CATSPERG: variants seen among roughly 807,000 people sequenced by gnomAD.
CATSPERG encodes cation channel sperm-associated auxiliary subunit gamma.
A neutral mutation model predicts 145.0 loss-of-function variants in CATSPERG; 115 were observed. The ratio of observed to expected loss-of-function variants is 0.79; its 90% CI spans 0.68 to 0.93. The LOEUF is 0.93. Ranked by LOEUF, CATSPERG falls within the 40% of genes least tolerant of loss-of-function variation. CATSPERG has a pLI of 0.00. For missense variants in CATSPERG, 1,296 were observed against 1,490.1 expected, an observed-to-expected ratio of 0.87 and a Z score of 2.14; for synonymous variants, 588 against 589.0, an observed-to-expected ratio of 1.00 and a Z score of 0.02.
At chr19:38,361,575 A>G in intron 16 of CATSPERG, 73 bp from the exon 17 acceptor site, 2 of 1,237,264 alleles carry the variant, frequency 1.6e-6, no homozygotes, top group Non-Finnish European at 2.3e-6. Flanking sequence ...TGGGGTGGGA[A>G]AGAGGCCTGC....
intron 20 of CATSPERG, among the ~76,000 whole-genome samples, chr19:38,363,437 G>A (rs1970388088): frequency 6.6e-6 from 1 of 151,562 alleles, no homozygotes; most frequent in African/African-American, 2.4e-5. Flanking sequence ...TCGGCGTGAG[G>A]TGTGAGGTGT....
At chr19:38,356,294 C>A (rs368895027) in intron 9 of CATSPERG, among the ~76,000 whole-genome samples, 190 bp from the exon 10 acceptor site, 2 of 152,106 alleles carry the variant, frequency 1.3e-5, no homozygotes, top group African/African-American at 4.8e-5. Flanking sequence ...AGGCATGAGA[C>A]CCACAGTCTC....
At chr19:38,356,657 G>T in intron 10 of CATSPERG, 85 bp from the exon 11 acceptor site, 1 of 1,593,876 alleles carries the variant, frequency 6.3e-7, no homozygotes, top group Non-Finnish European at 8.6e-7. Flanking sequence ...TTAGGGAGGG[G>T]TGAGTTATGG....
chr19:38,369,823 ATGAATGAG>A, intron 26 of CATSPERG, 141 bp from the exon 27 acceptor site: 1 of 762,718 alleles, frequency 1.3e-6, no homozygotes. Context: ...GTCAGCATGA[ATGAATGAG>A]TGAATGAAGG....
At position 38,356,824 on chromosome 19, in the gene CATSPERG, T is replaced by G; in HGVS notation, c.1278T>G (p.Asn426Lys). The G allele has an allele frequency of 6.2e-7, 1 of 1,614,118 alleles. No homozygotes were observed. The highest frequency in any genetic ancestry group is 8.5e-7 in the Non-Finnish European group (1 of 1,180,012). ...LLLLVESGYG[N>K]ASKRFQVVSY... ...TGCTGGTGGAGAGTGGATATGGTAA[T>G]GCAAGTAAACGTTTCCAGGTGGTCA... Residue 426 changes from asparagine (N) to lysine (K), a missense_variant, in exon 11 of 29, where the codon AAT (asparagine) becomes AAG (lysine). Asn to Lys is a moderately conservative substitution (Grantham distance 94). Transcript: ENST00000409235.
chr19:38,356,991 G>GACAC, intron 11 of CATSPERG, 130 bp downstream of exon 11: 1 of 1,192,492 alleles, frequency 8.4e-7, no homozygotes, highest in Non-Finnish European at 1.2e-6. Context: ...ACTCCTGGTT[G>GACAC]AGGAGTAGCA....
In CATSPERG at chr19:38,370,578, T is replaced by A. The variant is rs1970529762; in HGVS notation, c.3266T>A (p.Leu1089His). ...GLVIFYIAFC[L>H]LWPLVVKGCT... ...GTGATCTTCTACATCGCCTTCTGCC[T>A]CCTGTGGCCCCTCGTGGTGAAGGGC... Residue 1089 changes from leucine (L) to histidine (H), a missense_variant, in exon 29 of 29, where the codon CTC becomes CAC. Coordinates refer to ENST00000409235, the MANE Select transcript of CATSPERG (RefSeq NM_021185.5). 1 of 1,614,082 alleles carries A rather than the reference T, an allele frequency of 6.2e-7. No homozygotes were observed. The highest frequency in any genetic ancestry group is 1.7e-5 in the Admixed American group (1 of 60,002).
At chr19:38,367,003 A>G in intron 22 of CATSPERG, 153 bp from the exon 23 acceptor site, 1 of 670,280 alleles carries the variant, frequency 1.5e-6, no homozygotes, top group South Asian at 2.0e-5. Flanking sequence ...CGTGTTAATG[A>G]TATTAATGAC....
In CATSPERG at chr19:38,359,541, C is replaced by G. The variant is rs140177794; in HGVS notation, c.1568C>G (p.Ser523Trp). Residue 523 changes from serine (S) to tryptophan (W), a missense_variant, in exon 14 of 29, where the codon TCG becomes TGG. Coordinates refer to ENST00000409235, the MANE Select transcript of CATSPERG (RefSeq NM_021185.5). ...CTGTCCATCAAATACATGGCCAGAT[C>G]GTTCCGTGGGGCTGTGGCTATTGTC... is the stretch of plus-strand genomic sequence containing the variant. The part of the protein sequence containing the change: ...KELSIKYMAR[S>W]FRGAVAIVTE... 1.2e-6 allele frequency: 2 copies of G among 1,613,624 alleles called. No individual in the cohort carries two copies. The highest frequency in any genetic ancestry group is 1.3e-5 in the African/African-American group (1 of 74,904).
chr19:38,336,164 T>A, intron 1 of CATSPERG: 4 of 445,312 alleles, frequency 9.0e-6, no homozygotes, highest in South Asian at 6.3e-5. Flanking sequence ...GAGTAAGAAG[T>A]GGGGCAAGAA....
intron 6 of CATSPERG, among the ~76,000 whole-genome samples, chr19:38,346,183 G>A (rs1970038533): frequency 1.3e-5 from 2 of 152,198 alleles, no homozygotes; most frequent in South Asian, 4.1e-4. Context: ...TAAGGGAAGA[G>A]CAGTTCATCA....
chr19:38,344,856 GACACACACAC>G lies in CATSPERG; in HGVS notation c.669+506_669+515del, dbSNP rs34101460. ...ATATGTATATACCTGTACATGAACAGACACACACACACACACACACACACACATATATATA... is the reference window on the plus strand; with the variant it reads ...ATATGTATATACCTGTACATGAACAGACACACACACACACACATATATATA... On this transcript the variant is annotated intron_variant, in intron 6 of 28. Transcript: ENST00000409235. Among the ~76,000 whole-genome samples the G allele has an allele frequency of 1.4e-4, 13 of 92,346 alleles. 1 individual carries two copies. The highest frequency in any genetic ancestry group is 4.9e-4 in the African/African-American group (12 of 24,668). The allele number at this position is 92,346 out of a possible 152,430, so 60.6% of individuals were successfully genotyped here.
chr19:38,370,550 C>T lies in CATSPERG; in HGVS notation c.3238C>T (p.Leu1080=), dbSNP rs1277748020. The part of the protein sequence containing the change: ...IMVSASVFVG[L]VIFYIAFCLL... ...GGTGTCAGCTAGCGTGTTTGTGGGC[C>T]TGGTGATCTTCTACATCGCCTTCTG... Residue 1080 remains leucine (L), a synonymous_variant, in exon 29 of 29, where the codon CTG becomes TTG. Transcript: ENST00000409235. The T allele has an allele frequency of 1.2e-6, 2 of 1,614,172 alleles. No individual in the cohort carries two copies. The highest frequency in any genetic ancestry group is 1.7e-6 in the Non-Finnish European group (2 of 1,180,034).
chr19:38,365,121 T>C lies in CATSPERG; in HGVS notation c.2613+4T>C, dbSNP rs749228272. The stretch of plus-strand genomic sequence containing the variant: ...ACACCTGGGGCCCCATATGCAAGTA[T>C]TGGAGCTTGGGATACTGGGCCCTGG... On this transcript the variant is annotated splice_donor_region_variant and intron_variant, in intron 22 of 28. Coordinates refer to ENST00000409235, the MANE Select transcript of CATSPERG (RefSeq NM_021185.5). 11 of 1,613,160 alleles carry C rather than the reference T, an allele frequency of 6.8e-6. No individual in the cohort carries two copies. The highest frequency in any genetic ancestry group is 1.7e-5 in the Admixed American group (1 of 59,976).
Position 38,339,301 on chromosome 19 carries a change from T to A in CATSPERG, c.324+1655T>A, listed in dbSNP as rs138089823. On this transcript the variant is annotated intron_variant, in intron 3 of 28. Transcript: ENST00000409235. ...AGACACATTCCAGAGCCATGAGCCC[T>A]GGATTCTATCGAGGCCATGAGGGAT... 3.1e-3 allele frequency among the ~76,000 whole-genome samples: 471 copies of A among 152,294 alleles called. 1 individual carries two copies. Among genetic ancestry groups the A allele is most frequent in the Admixed American group, 7.7e-3 (118 of 15,292 alleles).
intron 26 of CATSPERG, among the ~76,000 whole-genome samples, chr19:38,368,510 C>G (rs914877648): frequency 6.6e-6 from 1 of 152,200 alleles, no homozygotes; most frequent in Non-Finnish European, 1.5e-5. Context: ...GGGTCTGTCT[C>G]TCCTCCAGAA....
At chr19:38,358,213 C>T in intron 11 of CATSPERG, 65 bp from the exon 12 acceptor site, 6 of 1,545,298 alleles carry the variant, frequency 3.9e-6, no homozygotes, top group Non-Finnish European at 5.4e-6. Context: ...AAACAACTTG[C>T]TCCAGCTCCA....
chr19:38,344,722 C>T lies in CATSPERG; in HGVS notation c.669+354C>T, dbSNP rs547958663. ...CATACATATATAGTACATACCTGTA[C>T]ATACATATATAGTACATACCTGTAC... is the stretch of plus-strand genomic sequence containing the variant. On this transcript the variant is annotated intron_variant, in intron 6 of 28. Coordinates refer to ENST00000409235, the MANE Select transcript of CATSPERG (RefSeq NM_021185.5). Among the ~76,000 whole-genome samples the T allele has an allele frequency of 4.5e-5, 6 of 134,620 alleles. No individual in the cohort carries two copies. In the South Asian group the frequency reaches 1.5e-3, roughly 34 times the overall value. The allele number at this position is 134,620 out of a possible 152,430, so 88.3% of individuals were successfully genotyped here.
At chr19:38,370,447 C>G (rs1197650199) in intron 28 of CATSPERG, 79 bp from the exon 29 acceptor site, 15 of 1,576,798 alleles carry the variant, frequency 9.5e-6, no homozygotes, top group Non-Finnish European at 1.3e-5. Flanking sequence ...CTGTCAATTT[C>G]CCTGTCACTG....
Sources: allele counts gnomAD v4.1 joint callset (sites outside exome capture counted in the v4.1 genomes callset), GRCh38; gene constraint gnomAD v4.1.1; transcripts MANE v1.5; gene names NCBI Gene and HGNC (gene_info 2026-07-23, HGNC 2026-07-21).